The following DCLK2 variants were observed in gnomAD, a reference collection of about 807,000 sequenced individuals.
The protein encoded by DCLK2 is doublecortin like kinase 2.
Under a neutral mutation model 78.4 loss-of-function variants are expected in DCLK2, and 31 were observed. The ratio of observed to expected loss-of-function variants is 0.40; its 90% CI spans 0.30 to 0.53. The LOEUF (loss-of-function observed/expected upper bound fraction) is 0.53, where lower values mean the gene tolerates loss of function less well. DCLK2 is among the 20% of genes least tolerant of loss of function. The probability of loss-of-function intolerance (pLI) is 0.61; values close to 1 mark genes in which losing one functional copy is unlikely to be tolerated. For synonymous variants in DCLK2, 407 were observed against 374.9 expected (o/e 1.09, Z -0.99); for missense variants, 872 against 973.7 (o/e 0.90, Z 1.39).
At chr4:150,232,271 T>C in intron 8 of DCLK2, 66 bp from the exon 9 acceptor site, 3 of 1,574,198 alleles carry the variant, frequency 1.9e-6, no homozygotes, top group Non-Finnish European at 2.6e-6. Context: ...TTTGCTGTCC[T>C]CCAGGCCTTC....
At chr4:150,081,848 A>AT in intron 1 of DCLK2, among the ~76,000 whole-genome samples, 1 of 129,158 alleles carries the variant, frequency 7.7e-6, no homozygotes, top group African/African-American at 2.7e-5. Flanking sequence ...AAAAAAAAAA[A>AT]TTAGCCGGGT....
chr4:150,226,154 T>C (rs1458842819), intron 8 of DCLK2, among the ~76,000 whole-genome samples: 1 of 152,082 alleles, frequency 6.6e-6, no homozygotes, highest in East Asian at 1.9e-4. Flanking sequence ...TAAAATATTC[T>C]GCTCGAATGG....
chr4:150,141,139 G>A (rs1734075917), intron 2 of DCLK2, among the ~76,000 whole-genome samples: 1 of 152,136 alleles, frequency 6.6e-6, no homozygotes, highest in Non-Finnish European at 1.5e-5. Flanking sequence ...TAATTTCATA[G>A]TGTTTCTTAA....
At chr4:150,105,396 A>G (rs184851206) in intron 2 of DCLK2, among the ~76,000 whole-genome samples, 73 of 151,532 alleles carry the variant, frequency 4.8e-4, no homozygotes, top group East Asian at 1.2e-3. Context: ...TGAACATTAA[A>G]AAATGTTGTT....
chr4:150,150,445 G>A (rs1429884306), intron 2 of DCLK2, among the ~76,000 whole-genome samples: 1 of 151,780 alleles, frequency 6.6e-6, no homozygotes, highest in South Asian at 2.1e-4. Context: ...TATATTAAAG[G>A]CAATTAAGAA....
chr4:150,191,954 G>A (rs1738486229), intron 2 of DCLK2, among the ~76,000 whole-genome samples: 1 of 152,172 alleles, frequency 6.6e-6, no homozygotes, highest in Admixed American at 6.5e-5. Flanking sequence ...GTACTAGAGT[G>A]TTGTTTGTTT....
chr4:150,135,526 G>A (rs1235596547), intron 2 of DCLK2, among the ~76,000 whole-genome samples: 1 of 152,302 alleles, frequency 6.6e-6, no homozygotes, highest in African/African-American at 2.4e-5. Flanking sequence ...CAAGAAGAAA[G>A]CAATGAAGGA....
intron 2 of DCLK2, among the ~76,000 whole-genome samples, chr4:150,175,108 A>AATT (rs1736928563): frequency 4.8e-5 from 4 of 84,066 alleles, no homozygotes; most frequent in African/African-American, 2.5e-4. Flanking sequence ...ATATATTTAT[A>AATT]TATTTATATT....
intron 2 of DCLK2, among the ~76,000 whole-genome samples, chr4:150,150,127 T>TA (rs1229358525): frequency 2.0e-5 from 3 of 152,204 alleles, no homozygotes; most frequent in South Asian, 2.1e-4. Flanking sequence ...GAAATAAATT[T>TA]AAAAAAATAA....
intron 15 of DCLK2, among the ~76,000 whole-genome samples, chr4:150,251,702 C>A (rs1346580628): frequency 2.9e-5 from 3 of 103,748 alleles, no homozygotes; most frequent in African/African-American, 1.2e-4. Flanking sequence ...CCAGGTACCC[C>A]CACACACCCC....
intron 1 of DCLK2, among the ~76,000 whole-genome samples, chr4:150,092,944 A>G (rs903273241): frequency 4.6e-5 from 7 of 152,214 alleles, no homozygotes; most frequent in African/African-American, 1.4e-4. Flanking sequence ...AGCAAGAACA[A>G]CTTGGCAAGA....
intron 2 of DCLK2, among the ~76,000 whole-genome samples, chr4:150,181,446 A>C (rs1737512200): frequency 6.6e-6 from 1 of 152,174 alleles, no homozygotes; most frequent in Admixed American, 6.5e-5. Context: ...CTCCTCCCAG[A>C]ATATATTTAG....
At chr4:150,138,286 A>G (rs1239129868) in intron 2 of DCLK2, among the ~76,000 whole-genome samples, 1 of 152,148 alleles carries the variant, frequency 6.6e-6, no homozygotes, top group Non-Finnish European at 1.5e-5. Flanking sequence ...AAGGTAGGTA[A>G]TCTATGCTTC....
chr4:150,211,879 C>T (rs188311471), intron 5 of DCLK2, among the ~76,000 whole-genome samples: 1 of 152,210 alleles, frequency 6.6e-6, no homozygotes, highest in East Asian at 1.9e-4. Flanking sequence ...ATAACTTTTC[C>T]CATAGGAATA....
intron 2 of DCLK2, among the ~76,000 whole-genome samples, chr4:150,134,589 T>C (rs925912226): frequency 6.6e-6 from 1 of 152,192 alleles, no homozygotes; most frequent in Non-Finnish European, 1.5e-5. Context: ...AATTTTGATT[T>C]TTTTCTTTGG....
chr4:150,094,087 A>G (rs1360807914), intron 1 of DCLK2, among the ~76,000 whole-genome samples: 8 of 152,220 alleles, frequency 5.3e-5, no homozygotes, highest in African/African-American at 7.2e-5. Context: ...TAAATATAAG[A>G]TCTGAAACTC....
intron 7 of DCLK2, among the ~76,000 whole-genome samples, chr4:150,223,743 C>CATTA (rs1553971665): frequency 6.8e-6 from 1 of 146,964 alleles, no homozygotes; most frequent in Non-Finnish European, 1.5e-5. Flanking sequence ...GACTCTCTCT[C>CATTA]AATAAATAAA....
intron 5 of DCLK2, among the ~76,000 whole-genome samples, chr4:150,208,246 T>G (rs1282046759): frequency 6.6e-6 from 1 of 152,204 alleles, no homozygotes; most frequent in Non-Finnish European, 1.5e-5. Flanking sequence ...CTAAGCAGTT[T>G]TGAAGTGGCC....
intron 1 of DCLK2, among the ~76,000 whole-genome samples, chr4:150,095,589 G>A (rs190957642): frequency 1.7e-4 from 26 of 152,306 alleles, no homozygotes; most frequent in African/African-American, 6.3e-4. Context: ...ACATGTGTGT[G>A]TATATAGAGT....
Sources: gnomAD v4.1 joint callset for allele counts (sites outside exome capture counted in the v4.1 genomes callset) on GRCh38, gnomAD v4.1.1 for gene constraint, MANE v1.5 for transcripts, NCBI Gene and HGNC (gene_info 2026-07-23, HGNC 2026-07-21) for gene names.